Variants in LNPK observed in about 807,000 individuals in gnomAD.
LNPK encodes the protein endoplasmic reticulum junction formation protein lunapark.
In LNPK, 29 loss-of-function variants were observed where a neutral mutation model predicts 55.2. The observed-to-expected ratio is 0.53, with a 90% CI of 0.39 to 0.72. The LOEUF is 0.72. Among genes scored for constraint, LNPK ranks in the 30% least tolerant of loss-of-function variants. The pLI, the probability that LNPK is intolerant of heterozygous loss-of-function variation, is 0.00. For synonymous variants in LNPK, 162 were observed against 168.2 expected, an observed-to-expected ratio of 0.96 and a Z score of 0.29; for missense variants, 467 against 494.8, an observed-to-expected ratio of 0.94 and a Z score of 0.53.
At chr2:175,985,814 T>C (rs1380666996) in intron 4 of LNPK, among the ~76,000 whole-genome samples, 1 of 152,204 alleles carries the variant, frequency 6.6e-6, no homozygotes, top group Non-Finnish European at 1.5e-5. Context: ...GTTATATGAA[T>C]GTAGTCTCTC....
intron 4 of LNPK, among the ~76,000 whole-genome samples, chr2:175,988,189 T>G (rs1184380609): frequency 1.3e-5 from 2 of 152,118 alleles, no homozygotes; most frequent in African/African-American, 2.4e-5. Context: ...TGTTTTTAGA[T>G]GAGATTTAGC....
At chr2:175,970,642 T>C (rs1686615022) in intron 6 of LNPK, 122 bp downstream of exon 6, 1 of 478,942 alleles carries the variant, frequency 2.1e-6, no homozygotes, top group African/African-American at 2.1e-5. Flanking sequence ...CACTTCATCA[T>C]TAAAATGCTA....
intron 5 of LNPK, among the ~76,000 whole-genome samples, chr2:175,972,931 C>T (rs1686728479): frequency 6.6e-6 from 1 of 152,212 alleles, no homozygotes; most frequent in African/African-American, 2.4e-5. Flanking sequence ...TTCCTTTGCA[C>T]TTGCCTTGAG....
chr2:175,951,605 A>ATATATATATATATATATATC (rs1441190050), intron 8 of LNPK, among the ~76,000 whole-genome samples: 9 of 129,730 alleles, frequency 6.9e-5, no homozygotes, highest in African/African-American at 2.3e-4. Flanking sequence ...ATATATATAT[A>ATATATATATATATATATATC]TATATCTCAG....
At chr2:175,932,982 G>C (rs1018304877) in intron 12 of LNPK, among the ~76,000 whole-genome samples, 1 of 148,476 alleles carries the variant, frequency 6.7e-6, no homozygotes, top group Non-Finnish European at 1.5e-5. Flanking sequence ...ACTAAGACAT[G>C]AAACAATTAC....
intron 1 of LNPK, among the ~76,000 whole-genome samples, chr2:176,001,399 T>C (rs144730604): frequency 6.6e-6 from 1 of 152,322 alleles, no homozygotes; most frequent in Non-Finnish European, 1.5e-5. Flanking sequence ...TTCACGGGTC[T>C]TGCTTAGTAC....
At chr2:175,944,316 T>G (rs1179309826) in intron 9 of LNPK, among the ~76,000 whole-genome samples, 1 of 152,064 alleles carries the variant, frequency 6.6e-6, no homozygotes, top group Non-Finnish European at 1.5e-5. Context: ...TGTAATAAAT[T>G]AGACAATATC....
At chr2:175,960,591 CCCA>C (rs2105612282) in intron 8 of LNPK, among the ~76,000 whole-genome samples, 1 of 152,078 alleles carries the variant, frequency 6.6e-6, no homozygotes, top group Admixed American at 6.5e-5. Flanking sequence ...GCACTAAATG[CCCA>C]CAAGAGAAAG....
intron 8 of LNPK, among the ~76,000 whole-genome samples, chr2:175,962,141 T>C (rs918485935): frequency 1.8e-4 from 27 of 152,186 alleles, no homozygotes; most frequent in African/African-American, 6.3e-4. Flanking sequence ...AGGTAATTTA[T>C]AGATTCAATG....
At chr2:175,944,098 A>G (rs1356798261) in intron 9 of LNPK, among the ~76,000 whole-genome samples, 1 of 152,158 alleles carries the variant, frequency 6.6e-6, no homozygotes, top group Non-Finnish European at 1.5e-5. Context: ...ATACAAGAGC[A>G]ATATACAAAA....
chr2:175,987,530 G>C (rs576289875), intron 4 of LNPK, among the ~76,000 whole-genome samples: 2 of 152,080 alleles, frequency 1.3e-5, no homozygotes, highest in African/African-American at 4.8e-5. Flanking sequence ...TTGTGGGGTG[G>C]GGGGAGCAGG....
At chr2:175,991,037 A>C (rs1212538855) in intron 4 of LNPK, among the ~76,000 whole-genome samples, 3 of 152,234 alleles carry the variant, frequency 2.0e-5, no homozygotes, top group Admixed American at 2.0e-4. Context: ...GTTATGAATC[A>C]TAATAGCAAA....
At chr2:175,981,239 C>T (rs1687160834) in intron 4 of LNPK, among the ~76,000 whole-genome samples, 2 of 152,164 alleles carry the variant, frequency 1.3e-5, no homozygotes, top group South Asian at 4.1e-4. Flanking sequence ...TTTGGGCCTC[C>T]TCTTTCACTT....
intron 8 of LNPK, among the ~76,000 whole-genome samples, chr2:175,955,571 A>G (rs1559043330): frequency 6.6e-6 from 1 of 152,230 alleles, no homozygotes; most frequent in Non-Finnish European, 1.5e-5. Context: ...ATACTTATGT[A>G]AAGAACATCC....
At chr2:175,935,368 G>T (rs1684492300) in intron 12 of LNPK, among the ~76,000 whole-genome samples, 1 of 152,098 alleles carries the variant, frequency 6.6e-6, no homozygotes, top group Non-Finnish European at 1.5e-5. Context: ...AGATGATGTG[G>T]TCTTCATTAA....
intron 8 of LNPK, among the ~76,000 whole-genome samples, chr2:175,947,975 C>T (rs1685227859): frequency 6.6e-6 from 1 of 152,008 alleles, no homozygotes; most frequent in Admixed American, 6.6e-5. Context: ...CAATTATGTG[C>T]CATGTCTTTT....
chr2:175,966,782 C>A (rs1030226080), intron 6 of LNPK, among the ~76,000 whole-genome samples: 2 of 152,190 alleles, frequency 1.3e-5, no homozygotes, highest in South Asian at 2.1e-4. Flanking sequence ...CTGGGTTCAA[C>A]GCACATTTCT....
Position 175,928,127 on chromosome 2 carries a change from T to C in LNPK, c.*1840A>G, listed in dbSNP as rs941190764. ...CCTATTTCCTTAATCTATGTATTTA[T>C]ATACATACATACAATATAGAAAAGT... On this transcript the variant is annotated 3_prime_UTR_variant, in exon 13 of 13. Coordinates refer to ENST00000272748, the MANE Select transcript of LNPK (RefSeq NM_030650.3). 4 of 152,198 alleles carry C rather than the reference T, an allele frequency of 2.6e-5. No individual in the cohort carries two copies. The highest frequency in any genetic ancestry group is 9.7e-5 in the African/African-American group (4 of 41,450). The allele number at this position is 152,198 out of a possible 1,614,324, so 9.4% of individuals were successfully genotyped here. A position where few individuals can be genotyped will look rare whatever the true frequency, so the allele number is the denominator to read the frequency against.
At chr2:175,972,278 G>A (rs1000377864) in intron 5 of LNPK, among the ~76,000 whole-genome samples, 1 of 152,122 alleles carries the variant, frequency 6.6e-6, no homozygotes, top group Non-Finnish European at 1.5e-5. Flanking sequence ...AATACAGGTT[G>A]AGTATCTCTT....
Sources: gnomAD v4.1 joint callset for allele counts (sites outside exome capture counted in the v4.1 genomes callset) on GRCh38, gnomAD v4.1.1 for gene constraint, MANE v1.5 for transcripts, NCBI Gene and HGNC (gene_info 2026-07-23, HGNC 2026-07-21) for gene names.